Variants in DHRSX observed in about 807,000 individuals in gnomAD.
The protein encoded by DHRSX is polyprenol dehydrogenase.
Under a neutral mutation model 34.0 loss-of-function variants are expected in DHRSX, and 31 were observed. The ratio of observed to expected loss-of-function variants is 0.91; its 90% CI spans 0.69 to 1.23. The LOEUF is 1.23. Among genes scored for constraint, DHRSX ranks in the 50% most tolerant of loss-of-function variants. The pLI is 0.00. For missense variants in DHRSX, 414 were observed against 428.1 expected (o/e 0.97, Z 0.29); for synonymous variants, 201 against 183.8 (o/e 1.09, Z -0.76).
chrX:2,489,693 G>A, intron 1 of DHRSX: 1 of 1,612,666 alleles, frequency 6.2e-7, no homozygotes, highest in Non-Finnish European at 8.5e-7. Flanking sequence ...AGCATGCAGT[G>A]GGCCACGTTC....
intron 3 of DHRSX, among the ~76,000 whole-genome samples, chrX:2,308,396 G>GACAATTGTTTTAACAATTGTTCA (rs1230180378): frequency 1.3e-5 from 2 of 151,216 alleles, no homozygotes; most frequent in Admixed American, 6.6e-5. Flanking sequence ...ACAATTGTTC[G>GACAATTGTTTTAACAATTGTTCA]ACAATTGTTT....
At chrX:2,276,326 C>T (rs1443128325) in intron 4 of DHRSX, among the ~76,000 whole-genome samples, 2 of 152,144 alleles carry the variant, frequency 1.3e-5, no homozygotes, top group Non-Finnish European at 1.5e-5. Context: ...TATCGGGTGC[C>T]GTCCACGTTA....
In DHRSX at chrX:2,350,207, C is replaced by T. The variant is rs113327581; in HGVS notation, c.286+58538G>A. On this transcript the variant is annotated intron_variant, in intron 3 of 6. Coordinates refer to ENST00000334651, the MANE Select transcript of DHRSX (RefSeq NM_145177.3). Reference sequence around the variant, plus strand: ...TCTACTAAGAAGTACAAAAATTAGCCGGGCATGGTGGCGGGTGCCTGTAGT... The same window carrying T: ...TCTACTAAGAAGTACAAAAATTAGCTGGGCATGGTGGCGGGTGCCTGTAGT... Among the ~76,000 whole-genome samples, 1,172 of 151,906 alleles carry T rather than the reference C, an allele frequency of 7.7e-3. 21 individuals are homozygous for T. The highest frequency in any genetic ancestry group is 0.024 in the African/African-American group (1,008 of 41,434).
At chrX:2,426,431 CTTCA>C (rs1051729499) in intron 1 of DHRSX, among the ~76,000 whole-genome samples, 6 of 147,148 alleles carry the variant, frequency 4.1e-5, no homozygotes, top group South Asian at 2.2e-4. Context: ...TCCTTCCTTC[CTTCA>C]TTCTTTCCTT....
At chrX:2,419,441 C>G (rs2043743458) in intron 2 of DHRSX, among the ~76,000 whole-genome samples, 1 of 152,012 alleles carries the variant, frequency 6.6e-6, no homozygotes, top group African/African-American at 2.4e-5. Flanking sequence ...CTAGAAATAC[C>G]ATTTGACCCA....
At position 2,231,833 on chromosome X, in the gene DHRSX, CCT is replaced by C. The variant is rs773143899; in HGVS notation, c.805-10606_805-10605del. Among the ~76,000 whole-genome samples the C allele has an allele frequency of 2.3e-3, 336 of 147,632 alleles. 3 individuals are homozygous for C. Among genetic ancestry groups the C allele is most frequent in the Admixed American group, 0.014 (199 of 14,680 alleles). On this transcript the variant is annotated intron_variant, in intron 6 of 6. Transcript: ENST00000334651. Reference sequence around the variant, plus strand: ...TCTCCCTTCCTCTTCCTTTCTTTCTCCTCTTTCTCATTTTCTCCCTCTTCTTC... The same window carrying C: ...TCTCCCTTCCTCTTCCTTTCTTTCTCCTTTCTCATTTTCTCCCTCTTCTTC...
At chrX:2,297,755 T>TGAG (rs1470390142) in intron 3 of DHRSX, among the ~76,000 whole-genome samples, 1 of 103,908 alleles carries the variant, frequency 9.6e-6, no homozygotes, top group Non-Finnish European at 2.4e-5. Flanking sequence ...TTGTTTTGTC[T>TGAG]TTTTGAGTTT....
At chrX:2,398,876 G>A (rs995930534) in intron 3 of DHRSX, among the ~76,000 whole-genome samples, 2 of 151,604 alleles carry the variant, frequency 1.3e-5, no homozygotes, top group Admixed American at 6.6e-5. Context: ...ATTTGGAGAC[G>A]GTGTCTCGCT....
At chrX:2,335,997 TTTTG>T (rs1299989979) in intron 3 of DHRSX, among the ~76,000 whole-genome samples, 2 of 151,920 alleles carry the variant, frequency 1.3e-5, no homozygotes, top group Admixed American at 6.6e-5. Context: ...AATATCATGC[TTTTG>T]TTTTTGTTTT....
intron 3 of DHRSX, among the ~76,000 whole-genome samples, chrX:2,298,985 CAAA>C (rs1162323678): frequency 8.8e-4 from 78 of 88,518 alleles, no homozygotes; most frequent in African/African-American, 3.2e-3. Flanking sequence ...AACTCTGTCT[CAAA>C]AAAAAAAAAA....
At chrX:2,483,530 A>C (rs1286539478) in intron 1 of DHRSX, among the ~76,000 whole-genome samples, 1 of 152,126 alleles carries the variant, frequency 6.6e-6, no homozygotes, top group Non-Finnish European at 1.5e-5. Flanking sequence ...CGGCCTCCCA[A>C]AGTGCTGGGA....
chrX:2,459,373 TTGTTAATA>T (rs1354302932), intron 1 of DHRSX, among the ~76,000 whole-genome samples: 5 of 151,828 alleles, frequency 3.3e-5, no homozygotes, highest in Admixed American at 3.3e-4. Context: ...ATTAGCTTGA[TTGTTAATA>T]TGTTAATTAG....
At chrX:2,440,462 A>G (rs2044048551) in intron 1 of DHRSX, among the ~76,000 whole-genome samples, 1 of 151,846 alleles carries the variant, frequency 6.6e-6, no homozygotes, top group South Asian at 2.1e-4. Context: ...TTGGCCTCCC[A>G]AAATGCTGGG....
chrX:2,429,543 A>G (rs1410229446), intron 1 of DHRSX, among the ~76,000 whole-genome samples: 1 of 151,170 alleles, frequency 6.6e-6, no homozygotes. Flanking sequence ...GACCTCCTGG[A>G]CTCAAATGAT....
intron 1 of DHRSX, among the ~76,000 whole-genome samples, chrX:2,492,911 G>A (rs1177030712): frequency 7.2e-5 from 11 of 152,242 alleles, no homozygotes; most frequent in Non-Finnish European, 1.3e-4. Context: ...AATTTTGCCC[G>A]AAATAATGAG....
Position 2,429,038 on chromosome X carries a change from C to T in DHRSX, c.110-3734G>A, listed in dbSNP as rs1000459682. Among the ~76,000 whole-genome samples the T allele has an allele frequency of 7.2e-5, 11 of 152,144 alleles. No homozygotes were observed. In the East Asian group the frequency reaches 1.7e-3, roughly 24 times the overall value. Reference sequence around the variant, plus strand: ...TGTTTTTCTTGATACACGCATGAATCGATGAAAAGGTATGTTCACTTAGAA... The same window carrying T: ...TGTTTTTCTTGATACACGCATGAATTGATGAAAAGGTATGTTCACTTAGAA... On this transcript the variant is annotated intron_variant, in intron 1 of 6. Coordinates refer to ENST00000334651, the MANE Select transcript of DHRSX (RefSeq NM_145177.3).
In DHRSX at chrX:2,355,728, G is replaced by T. The variant is rs185845365; in HGVS notation, c.286+53017C>A. On this transcript the variant is annotated intron_variant, in intron 3 of 6. Transcript: ENST00000334651. Reference sequence around the variant, plus strand: ...GTAGGAGATATAACATCACATCCTAGAGAAGCCCGGACAATAGTAGACAGA... The same window carrying T: ...GTAGGAGATATAACATCACATCCTATAGAAGCCCGGACAATAGTAGACAGA... 7.6e-4 allele frequency among the ~76,000 whole-genome samples: 115 copies of T among 152,056 alleles called. 1 individual carries two copies. Among genetic ancestry groups the T allele is most frequent in the Middle Eastern group, 3.4e-3 (1 of 294 alleles).
At chrX:2,442,272 TGAG>T (rs1481644409) in intron 1 of DHRSX, among the ~76,000 whole-genome samples, 4 of 149,542 alleles carry the variant, frequency 2.7e-5, no homozygotes, top group South Asian at 2.1e-4. Context: ...CTGAAGAAGC[TGAG>T]GAGGAGGAGG....
chrX:2,490,787 G>A, intron 1 of DHRSX: 1 of 1,556,512 alleles, frequency 6.4e-7, no homozygotes, highest in Non-Finnish European at 8.7e-7. Flanking sequence ...GAAGGGCCAA[G>A]ACAAACACAG....
Sources: allele counts gnomAD v4.1 joint callset (sites outside exome capture counted in the v4.1 genomes callset), GRCh38; gene constraint gnomAD v4.1.1; transcripts MANE v1.5; gene names NCBI Gene and HGNC (gene_info 2026-07-23, HGNC 2026-07-21).